The following SYN3 variants were observed in gnomAD, a reference collection of about 807,000 sequenced individuals.
SYN3 encodes synapsin III.
Under a neutral mutation model 65.8 loss-of-function variants are expected in SYN3, and 35 were observed. That is an observed-to-expected ratio of 0.53 (90% CI 0.41 to 0.70). SYN3 has a LOEUF of 0.70. SYN3 is among the 30% of genes least tolerant of loss of function. SYN3 has a pLI of 0.00. For missense variants in SYN3, 680 were observed against 749.0 expected (o/e 0.91, Z 1.08); for synonymous variants, 270 against 292.9 (o/e 0.92, Z 0.80).
intron 12 of SYN3, among the ~76,000 whole-genome samples, chr22:32,527,359 G>T (rs1314993185): frequency 6.6e-6 from 1 of 152,166 alleles, no homozygotes. Context: ...CAGCACTTTG[G>T]GAGGCTGAGG....
At chr22:32,629,793 G>A (rs760859903) in intron 6 of SYN3, 4 of 152,142 alleles carry the variant, frequency 2.6e-5, no homozygotes, top group Non-Finnish European at 4.4e-5. Context: ...ACATAGTGGG[G>A]TGGTTAAGAG....
At chr22:32,625,656 G>C (rs937393441) in intron 6 of SYN3, among the ~76,000 whole-genome samples, 2 of 152,178 alleles carry the variant, frequency 1.3e-5, no homozygotes, top group Non-Finnish European at 2.9e-5. Context: ...GTCATTGGTT[G>C]ACCACCTGGC....
rs2060365253 is a variant in SYN3 at position 32,671,558 on chromosome 22, C to T, written c.712-74822G>A. 2.9e-5 allele frequency among the ~76,000 whole-genome samples: 4 copies of T among 136,168 alleles called. No individual in the cohort carries two copies. The South Asian group carries it at 9.2e-4, about 31-fold the overall frequency. 89.3% of individuals were successfully genotyped at this position (136,168 alleles called of 152,430 possible). A position where few individuals can be genotyped will look rare whatever the true frequency, so the allele number is the denominator to read the frequency against. On this transcript the variant is annotated intron_variant, in intron 6 of 13. Transcript: ENST00000358763. The stretch of plus-strand genomic sequence containing the variant: ...ACGCTCTCACGCAGGTGCACACACA[C>T]ACACATGCTCTCAAACAAGTGCACA...
At chr22:32,992,790 G>A (rs1000214655) in intron 2 of SYN3, among the ~76,000 whole-genome samples, 21 of 152,108 alleles carry the variant, frequency 1.4e-4, no homozygotes, top group Admixed American at 7.9e-4. Flanking sequence ...TCCAGCCTGG[G>A]TGACATAGCG....
intron 3 of SYN3, among the ~76,000 whole-genome samples, chr22:32,965,271 C>T (rs964215252): frequency 1.5e-4 from 23 of 152,144 alleles, no homozygotes; most frequent in African/African-American, 5.1e-4. Flanking sequence ...TGCATGATTC[C>T]TGCAGGGCTA....
chr22:32,940,475 G>T (rs1237673546), intron 3 of SYN3, among the ~76,000 whole-genome samples: 1 of 152,004 alleles, frequency 6.6e-6, no homozygotes, highest in Non-Finnish European at 1.5e-5. Context: ...AGTGTTTCCT[G>T]CTAGAAGCTT....
chr22:32,538,833 C>T (rs1004308430), intron 8 of SYN3, among the ~76,000 whole-genome samples: 9 of 152,162 alleles, frequency 5.9e-5, no homozygotes, highest in African/African-American at 1.9e-4. Flanking sequence ...TGCTCATCTC[C>T]CTTCTGATGA....
At chr22:32,693,736 T>A (rs1000558440) in intron 6 of SYN3, among the ~76,000 whole-genome samples, 20 of 151,742 alleles carry the variant, frequency 1.3e-4, no homozygotes, top group Non-Finnish European at 2.1e-4. Context: ...GAATTACAGG[T>A]GTGAGCCACC....
intron 6 of SYN3, among the ~76,000 whole-genome samples, chr22:32,743,949 A>G (rs1310948971): frequency 6.6e-6 from 1 of 151,986 alleles, no homozygotes; most frequent in Non-Finnish European, 1.5e-5. Context: ...ACTCATCACT[A>G]CTACCTGCGT....
At chr22:32,584,204 A>G (rs761162125) in intron 7 of SYN3, 16 of 152,134 alleles carry the variant, frequency 1.1e-4, no homozygotes, top group Non-Finnish European at 2.4e-4. Context: ...CTTTGCTGCA[A>G]TCCCTGTTGC....
intron 1 of SYN3, among the ~76,000 whole-genome samples, chr22:33,029,400 C>G (rs1272425568): frequency 6.6e-6 from 1 of 152,056 alleles, no homozygotes; most frequent in African/African-American, 2.4e-5. Context: ...CCAGGCTGGT[C>G]TGGAACTCCT....
In SYN3 at chr22:32,512,272, T is replaced by C. The variant is rs1441680312; in HGVS notation, c.*1420A>G. On this transcript the variant is annotated 3_prime_UTR_variant, in exon 14 of 14. Coordinates refer to ENST00000358763, the MANE Select transcript of SYN3 (RefSeq NM_003490.4). Reference sequence around the variant, plus strand: ...CCACTTCCATTTTTACCTCCCTCTCTCCCTTCCCTGTGGACAGCAAAAGGA... The same window carrying C: ...CCACTTCCATTTTTACCTCCCTCTCCCCCTTCCCTGTGGACAGCAAAAGGA... Among the ~76,000 whole-genome samples, 1 of 152,178 alleles carries C rather than the reference T, an allele frequency of 6.6e-6. No homozygotes were observed. Among genetic ancestry groups the C allele is most frequent in the Admixed American group, 6.5e-5 (1 of 15,272 alleles).
intron 6 of SYN3, among the ~76,000 whole-genome samples, chr22:32,668,638 T>C (rs749604030): frequency 1.3e-5 from 2 of 152,094 alleles, no homozygotes; most frequent in African/African-American, 4.8e-5. Flanking sequence ...AGCAATCCCA[T>C]TGCAGAACTG....
chr22:33,051,293 AT>A (rs1311185513), intron 1 of SYN3, among the ~76,000 whole-genome samples: 2 of 152,012 alleles, frequency 1.3e-5, no homozygotes, highest in African/African-American at 4.8e-5. Flanking sequence ...AAATAGAAAA[AT>A]TTTCTATTTC....
chr22:32,758,681 C>CATATAT (rs71187211), intron 6 of SYN3, among the ~76,000 whole-genome samples: 2,499 of 33,032 alleles, frequency 0.076, 669 homozygotes, highest in African/African-American at 0.17. Flanking sequence ...TTACTAAACT[C>CATATAT]ATATATATAT....
At chr22:32,795,925 G>A (rs1274000742) in intron 6 of SYN3, among the ~76,000 whole-genome samples, 2 of 152,154 alleles carry the variant, frequency 1.3e-5, no homozygotes, top group African/African-American at 4.8e-5. Context: ...GCAGAAACAA[G>A]ACCTCCAGCC....
chr22:32,723,720 A>G (rs1490476815), intron 6 of SYN3, among the ~76,000 whole-genome samples: 1 of 152,206 alleles, frequency 6.6e-6, no homozygotes, highest in Non-Finnish European at 1.5e-5. Context: ...ATTCGGCAAA[A>G]CCTCAAGCTA....
At chr22:32,930,482 T>C (rs2050597436) in intron 4 of SYN3, among the ~76,000 whole-genome samples, 1 of 152,148 alleles carries the variant, frequency 6.6e-6, no homozygotes, top group South Asian at 2.1e-4. Flanking sequence ...ATCAGCAGCA[T>C]GAAAAAGGAC....
chr22:32,866,991 C>T (rs8142286), intron 5 of SYN3, among the ~76,000 whole-genome samples: 4,256 of 152,218 alleles, frequency 0.028, 188 homozygotes, highest in African/African-American at 0.097. Context: ...ACCAGGAAGG[C>T]GCTATTACTA....
Sources: allele counts gnomAD v4.1 joint callset (sites outside exome capture counted in the v4.1 genomes callset), GRCh38; gene constraint gnomAD v4.1.1; transcripts MANE v1.5; gene names NCBI Gene and HGNC (gene_info 2026-07-23, HGNC 2026-07-21).